MICAL2: variants seen among roughly 807,000 people sequenced by gnomAD.
MICAL2 encodes microtubule associated monooxygenase, calponin and LIM domain containing 2, also known as [F-actin]-monooxygenase MICAL2.
Under a neutral mutation model 127.3 loss-of-function variants are expected in MICAL2, and 77 were observed. The observed-to-expected ratio is 0.60, with a 90% confidence interval of 0.50 to 0.73. The LOEUF is 0.73. Among genes scored for constraint, MICAL2 ranks in the 30% least tolerant of loss-of-function variants. The probability of loss-of-function intolerance (pLI) is 0.00; values close to 1 mark genes in which losing one functional copy is unlikely to be tolerated. For missense variants in MICAL2, 1,351 were observed against 1,434.4 expected, an observed-to-expected ratio of 0.94 and a Z score of 0.94; for synonymous variants, 570 against 551.1, an observed-to-expected ratio of 1.03 and a Z score of -0.48.
chr11:12,191,191 G>A (rs1235869979), intron 3 of MICAL2, among the ~76,000 whole-genome samples: 2 of 152,204 alleles, frequency 1.3e-5, no homozygotes, highest in East Asian at 1.9e-4. Context: ...ATGGCCGGGT[G>A]CGGTGGCCCA....
chr11:12,274,081 C>T (rs1179663240), upstream of MICAL2, among the ~76,000 whole-genome samples: 1 of 152,038 alleles, frequency 6.6e-6, no homozygotes, highest in African/African-American at 2.4e-5. Flanking sequence ...AGGAGACTTT[C>T]AGCATATTTA....
intron 32 of MICAL2, among the ~76,000 whole-genome samples, chr11:12,346,093 T>C (rs1938949311): frequency 6.6e-6 from 1 of 152,078 alleles, no homozygotes; most frequent in African/African-American, 2.4e-5. Flanking sequence ...AGAAAGAAGT[T>C]TTCAGGACTT....
At chr11:12,233,960 T>A (rs1220040906) in intron 15 of MICAL2, among the ~76,000 whole-genome samples, 1 of 152,242 alleles carries the variant, frequency 6.6e-6, no homozygotes, top group Admixed American at 6.5e-5. Context: ...AGTGCTTCAA[T>A]GTTAAATTCA....
At chr11:12,346,291 A>C (rs1938952625) in intron 32 of MICAL2, among the ~76,000 whole-genome samples, 1 of 152,168 alleles carries the variant, frequency 6.6e-6, no homozygotes, top group African/African-American at 2.4e-5. Context: ...GACAGTTCCC[A>C]TTTATTGAGC....
At chr11:12,192,050 C>A (rs1859233024) in intron 3 of MICAL2, among the ~76,000 whole-genome samples, 1 of 151,182 alleles carries the variant, frequency 6.6e-6, no homozygotes, top group Admixed American at 6.6e-5. Flanking sequence ...CCCACCCCCA[C>A]CCCCGCCCGC....
In MICAL2 at chr11:12,184,830, C is replaced by G. The variant is rs115760760; in HGVS notation, c.265-19420C>G. The stretch of plus-strand genomic sequence containing the variant: ...AGATTATCCCACCACACAGATTGCT[C>G]AAAGGAACTGTCAGCTCAGCTGCCT... On this transcript the variant is annotated intron_variant, in intron 3 of 27. Coordinates refer to ENST00000683283, the MANE Select transcript of MICAL2 (RefSeq NM_001282663.2). 4.0e-3 allele frequency among the ~76,000 whole-genome samples: 612 copies of G among 151,740 alleles called. 5 individuals carry two copies. Among genetic ancestry groups the G allele is most frequent in the African/African-American group, 0.014 (587 of 41,326 alleles).
At chr11:12,188,836 T>C (rs7951968) in intron 3 of MICAL2, among the ~76,000 whole-genome samples, 16,178 of 152,230 alleles carry the variant, frequency 0.11, 1,011 homozygotes, top group African/African-American at 0.17. Context: ...ACCTGACACA[T>C]GGTAGACCTC....
intron 15 of MICAL2, among the ~76,000 whole-genome samples, chr11:12,231,831 G>A (rs532513869): frequency 6.6e-6 from 1 of 152,350 alleles, no homozygotes; most frequent in East Asian, 1.9e-4. Flanking sequence ...ATCCCCTCCA[G>A]GTGCGCGCAG....
downstream of MICAL2, chr11:12,358,748 C>A: frequency 3.9e-6 from 1 of 255,706 alleles, no homozygotes; most frequent in Non-Finnish European, 7.4e-6. Flanking sequence ...GGCAGATGAC[C>A]AGCATTGTTT....
At chr11:12,226,447 C>A in intron 14 of MICAL2, 77 bp downstream of exon 14, 1 of 1,453,532 alleles carries the variant, frequency 6.9e-7, no homozygotes, top group Non-Finnish European at 9.5e-7. Context: ...CTGCTCCTAA[C>A]ACTGTATGGT....
intron 24 of MICAL2, among the ~76,000 whole-genome samples, chr11:12,269,381 G>C (rs1183956347): frequency 6.6e-6 from 1 of 152,236 alleles, no homozygotes; most frequent in Non-Finnish European, 1.5e-5. Flanking sequence ...AGTGTCAGAA[G>C]AAGAGGGAAG....
rs182013442 is a variant in MICAL2, at chr11:12,146,980, T to C, written c.-78+8520T>C. 3.2e-3 allele frequency among the ~76,000 whole-genome samples: 492 copies of C among 152,184 alleles called. 2 individuals are homozygous for C. Among genetic ancestry groups the C allele is most frequent in the African/African-American group, 0.011 (476 of 41,508 alleles). On this transcript the variant is annotated intron_variant, in intron 2 of 27. Coordinates refer to ENST00000683283, the MANE Select transcript of MICAL2 (RefSeq NM_001282663.2). ...CAAGGACAGAAAACCAAACACTGCA[T>C]GTTCTCACTCATAGGTGGAAGTTGA...
chr11:12,358,627 A>G (rs1939165005), downstream of MICAL2: 1 of 703,404 alleles, frequency 1.4e-6, no homozygotes, highest in South Asian at 2.9e-5. Context: ...ATTCTCTTGC[A>G]CGCATGGCAG....
chr11:12,135,362 G>T (rs1851752444), intron 1 of MICAL2, among the ~76,000 whole-genome samples: 2 of 152,130 alleles, frequency 1.3e-5, no homozygotes, highest in South Asian at 4.1e-4. Flanking sequence ...GTAGAGAGAG[G>T]TTAAGCAATT....
chr11:12,291,995 C>T (rs146984713), downstream of MICAL2: 13 of 945,110 alleles, frequency 1.4e-5, no homozygotes, highest in Admixed American at 2.3e-5. Context: ...CTGAGTCCCA[C>T]GCCTTGGGCA....
chr11:12,121,310 G>A (rs377286366), intron 1 of MICAL2, among the ~76,000 whole-genome samples: 1 of 152,224 alleles, frequency 6.6e-6, no homozygotes, highest in African/African-American at 2.4e-5. Context: ...TCCTCTGGGG[G>A]CTACTGCTGG....
At chr11:12,339,115 T>C (rs1056608647) in intron 32 of MICAL2, among the ~76,000 whole-genome samples, 4 of 152,222 alleles carry the variant, frequency 2.6e-5, no homozygotes, top group Non-Finnish European at 5.9e-5. Context: ...ATTTGGTCTT[T>C]TCACATAGTC....
chr11:12,174,092 GA>G (rs1856573819), intron 3 of MICAL2, among the ~76,000 whole-genome samples: 1 of 150,996 alleles, frequency 6.6e-6, no homozygotes, highest in Non-Finnish European at 1.5e-5. Context: ...ACTTACAGTT[GA>G]AAAAAGTAGA....
At chr11:12,279,681 T>TC (rs1160932531) in intron 1 of MICAL2, among the ~76,000 whole-genome samples, 1 of 152,188 alleles carries the variant, frequency 6.6e-6, no homozygotes, top group East Asian at 1.9e-4. Context: ...CCTTCCTGCC[T>TC]CTCTCTCTGC....
Sources: allele counts gnomAD v4.1 joint callset (sites outside exome capture counted in the v4.1 genomes callset), GRCh38; gene constraint gnomAD v4.1.1; transcripts MANE v1.5; gene names NCBI Gene and HGNC (gene_info 2026-07-23, HGNC 2026-07-21).